The following OTULIN variants were observed in gnomAD, a reference collection of about 807,000 sequenced individuals.
OTULIN encodes ubiquitin thioesterase otulin.
Under a neutral mutation model 39.6 loss-of-function variants are expected in OTULIN, and 15 were observed. That is an observed-to-expected ratio of 0.38 (90% CI 0.25 to 0.58). The LOEUF is 0.58. OTULIN is among the 20% of genes least tolerant of loss of function. The pLI is 0.66. For missense variants in OTULIN, 319 were observed against 445.9 expected (o/e 0.72, Z 2.56); for synonymous variants, 156 against 170.3 (o/e 0.92, Z 0.65).
chr5:14,692,704 G>A (rs1258622115), intron 6 of OTULIN, 150 bp from the exon 7 acceptor site: 4 of 380,700 alleles, frequency 1.1e-5, no homozygotes, highest in African/African-American at 7.2e-5. Context: ...TATTTAAATC[G>A]AAAAGGATTG....
downstream of OTULIN, among the ~76,000 whole-genome samples, chr5:14,701,488 C>T (rs1434154565): frequency 6.6e-6 from 1 of 152,112 alleles, no homozygotes; most frequent in Non-Finnish European, 1.5e-5. Flanking sequence ...AGTCAGACAC[C>T]AGCCCACTGA....
At chr5:14,703,451 TAA>T (rs1488198545), downstream of OTULIN, among the ~76,000 whole-genome samples, 3 of 149,944 alleles carry the variant, frequency 2.0e-5, no homozygotes, top group African/African-American at 7.4e-5. Flanking sequence ...CCACAGAGGA[TAA>T]AGAGGAAGGC....
downstream of OTULIN, among the ~76,000 whole-genome samples, chr5:14,703,892 A>G: frequency 6.6e-6 from 1 of 152,182 alleles, no homozygotes; most frequent in East Asian, 1.9e-4. Flanking sequence ...TAAGGAAGGA[A>G]ATAGGCAATC....
chr5:14,716,169 A>C, the OTULIN span, among the ~76,000 whole-genome samples: 2 of 152,132 alleles, frequency 1.3e-5, no homozygotes, highest in Non-Finnish European at 2.9e-5. Context: ...TTTCAGGTCT[A>C]CTTCCTTTTT....
At chr5:14,679,870 C>T (rs1390954970) in intron 3 of OTULIN, among the ~76,000 whole-genome samples, 1 of 152,176 alleles carries the variant, frequency 6.6e-6, no homozygotes, top group African/African-American at 2.4e-5. Context: ...TTCTTAGTTC[C>T]TGCCAGAGGT....
chr5:14,707,754 C>A, the OTULIN span: 1 of 152,172 alleles, frequency 6.6e-6, no homozygotes, highest in African/African-American at 2.4e-5. Flanking sequence ...TCTGATACAT[C>A]CTAAGCCAAT....
the OTULIN span, chr5:14,713,066 G>A: frequency 9.2e-6 from 11 of 1,195,868 alleles, no homozygotes; most frequent in South Asian, 3.9e-5. The surrounding 1 kb of genome is among the most constrained non-coding windows in gnomAD (Gnocchi z 4.4). Context: ...GTGTAGCCTC[G>A]AGACGGCTGA....
chr5:14,692,371 C>A (rs1305539307), intron 6 of OTULIN, among the ~76,000 whole-genome samples: 1 of 152,212 alleles, frequency 6.6e-6, no homozygotes, highest in Non-Finnish European at 1.5e-5. Context: ...CAAAGAAAAT[C>A]CTGTGCTCAT....
At chr5:14,665,189 A>C (rs531928364) in intron 1 of OTULIN, among the ~76,000 whole-genome samples, 2 of 152,238 alleles carry the variant, frequency 1.3e-5, no homozygotes, top group Non-Finnish European at 2.9e-5. Context: ...CTGGTCACAC[A>C]GTGACTCCCC....
At chr5:14,687,488 ACTT>A in intron 4 of OTULIN, 30 bp from the exon 5 acceptor site, 1 of 1,601,066 alleles carries the variant, frequency 6.2e-7, no homozygotes, top group East Asian at 2.3e-5. Flanking sequence ...GAATGTTAAC[ACTT>A]CTTTATCTCT....
chr5:14,689,984 T>C, intron 5 of OTULIN, 55 bp from the exon 6 acceptor site: 1 of 1,564,694 alleles, frequency 6.4e-7, no homozygotes, highest in Non-Finnish European at 8.7e-7. Context: ...TATGGTACTA[T>C]ACCAGGGATT....
At chr5:14,677,765 G>A (rs773404568) in intron 2 of OTULIN, among the ~76,000 whole-genome samples, 1 of 152,108 alleles carries the variant, frequency 6.6e-6, no homozygotes, top group Non-Finnish European at 1.5e-5. Context: ...TTAGGTTTTT[G>A]GGATCAGGGT....
In OTULIN at chr5:14,689,244, T is replaced by C. The variant is rs543546060; in HGVS notation, c.595-795T>C. Among the ~76,000 whole-genome samples, 325 of 152,312 alleles carry C rather than the reference T, an allele frequency of 2.1e-3. 1 individual carries two copies. The highest frequency in any genetic ancestry group is 3.5e-3 in the Non-Finnish European group (241 of 68,024). On this transcript the variant is annotated intron_variant, in intron 5 of 6. Coordinates refer to ENST00000284274, the MANE Select transcript of OTULIN (RefSeq NM_138348.6). ...AAAATATGAGATACAGACAAGCAAG[T>C]ACCAGCCTTCAGCCCAAATATTAGA...
the OTULIN span, chr5:14,713,691 G>T: frequency 3.7e-6 from 6 of 1,612,696 alleles, no homozygotes; most frequent in East Asian, 1.1e-4. This position sits in a 1 kb window ranked among gnomAD's most constrained non-coding sequence, Gnocchi z 4.4. Context: ...CAAAGGACTC[G>T]TCAGCCGTGC....
At chr5:14,713,075 G>T in the OTULIN span, 5 of 1,138,852 alleles carry the variant, frequency 4.4e-6, no homozygotes, top group Non-Finnish European at 6.4e-6. This position sits in a 1 kb window ranked among gnomAD's most constrained non-coding sequence, Gnocchi z 4.4. Context: ...CGAGACGGCT[G>T]AGACCAGCGG....
downstream of OTULIN, among the ~76,000 whole-genome samples, chr5:14,702,755 G>A (rs1033169674): frequency 4.6e-5 from 7 of 152,140 alleles, no homozygotes; most frequent in African/African-American, 1.7e-4. Context: ...AAGACCCGAT[G>A]AGAATTTGAG....
In OTULIN at chr5:14,681,455, T is replaced by C. The variant is rs1736247623; in HGVS notation, c.325-9T>C. 1.3e-6 allele frequency: 2 copies of C among 1,597,340 alleles called. No individual in the cohort carries two copies. Among genetic ancestry groups the C allele is most frequent in the East Asian group, 2.2e-5 (1 of 44,480 alleles). On this transcript the variant is annotated splice_polypyrimidine_tract_variant and intron_variant, in intron 3 of 6. Transcript: ENST00000284274. ...CGACCATTTTGAATTCTTTCATACC[T>C]TTTCCCAGGGCTATGAAGAGGTTTC...
At chr5:14,688,928 T>C (rs1363414540) in intron 5 of OTULIN, among the ~76,000 whole-genome samples, 2 of 152,238 alleles carry the variant, frequency 1.3e-5, no homozygotes, top group South Asian at 2.1e-4. Context: ...TTTTTGGGAA[T>C]GCTTGAGTGG....
chr5:14,703,882 TAAGG>T (rs1736864119), downstream of OTULIN, among the ~76,000 whole-genome samples: 1 of 151,978 alleles, frequency 6.6e-6, no homozygotes, highest in African/African-American at 2.4e-5. Context: ...AAAGGAGCAG[TAAGG>T]AAGGAAATAG....
Sources: allele counts gnomAD v4.1 joint callset (sites outside exome capture counted in the v4.1 genomes callset), GRCh38; gene constraint gnomAD v4.1.1; non-coding constraint Gnocchi (gnomAD v3.1); transcripts MANE v1.5; gene names NCBI Gene and HGNC (gene_info 2026-07-23, HGNC 2026-07-21).